The following DNAJC2 variants were observed in gnomAD, a reference collection of about 807,000 sequenced individuals.
The protein encoded by DNAJC2 is dnaJ homolog subfamily C member 2.
A neutral mutation model predicts 94.0 loss-of-function variants in DNAJC2; 32 were observed. That is an observed-to-expected ratio of 0.34 (90% CI 0.26 to 0.46). The LOEUF (loss-of-function observed/expected upper bound fraction) is 0.46. DNAJC2 is among the 20% of genes least tolerant of loss of function. The pLI is 1.00. For synonymous variants in DNAJC2, 210 were observed against 229.7 expected, an observed-to-expected ratio of 0.91 and a Z score of 0.77; for missense variants, 550 against 719.5, an observed-to-expected ratio of 0.76 and a Z score of 2.69.
At chr7:103,313,534 A>T (rs1817877530) in intron 15 of DNAJC2, 1 of 983,930 alleles carries the variant, frequency 1.0e-6, no homozygotes, top group Non-Finnish European at 1.2e-6. Context: ...TTTGCTGGAT[A>T]GAAACCCTGG....
intron 13 of DNAJC2, 64 bp downstream of exon 13, chr7:103,316,766 A>T: frequency 1.5e-6 from 2 of 1,317,380 alleles, no homozygotes; most frequent in African/African-American, 1.5e-5. Context: ...TGCTATTTGG[A>T]GTCTGTCTAC....
At chr7:103,312,808 C>T (rs965725759) in intron 16 of DNAJC2, 139 bp downstream of exon 16, 43 of 1,512,888 alleles carry the variant, frequency 2.8e-5, no homozygotes, top group Non-Finnish European at 3.6e-5. Flanking sequence ...CTCATTTCTT[C>T]CTCATAATAT....
At chr7:103,318,143 C>T (rs908247933) in intron 12 of DNAJC2, among the ~76,000 whole-genome samples, 1 of 151,970 alleles carries the variant, frequency 6.6e-6, no homozygotes, top group Non-Finnish European at 1.5e-5. Context: ...TTGTTTCCCA[C>T]TCCATTTCCC....
At position 103,315,804 on chromosome 7, in the gene DNAJC2, T is replaced by A. The variant is rs1219727874; in HGVS notation, c.1596A>T (p.Val532=). ...FDKFKKEHGV[V]PQADNATPSE... is the part of the protein sequence containing the mutation. ...AAGGCGTTGCGTTGTCTGCTTGAGGTACCACTCCATGTTCTTTTTTGAACT... is the reference window on the plus strand; with the variant it reads ...AAGGCGTTGCGTTGTCTGCTTGAGGAACCACTCCATGTTCTTTTTTGAACT... The change falls in exon 15 of 17, where the codon GTA becomes GTT. Residue 532 remains valine (V), a synonymous_variant. Transcript: ENST00000379263. 6.2e-7 allele frequency: 1 copy of A among 1,613,912 alleles called. No individual in the cohort carries two copies. Among genetic ancestry groups the A allele is most frequent in the Non-Finnish European group, 8.5e-7 (1 of 1,179,882 alleles).
chr7:103,325,272 C>T (rs1174448345), intron 5 of DNAJC2, among the ~76,000 whole-genome samples: 2 of 152,006 alleles, frequency 1.3e-5, no homozygotes, highest in African/African-American at 4.8e-5. Flanking sequence ...GGTGAAACCC[C>T]GTCTCTACTA....
chr7:103,336,872 C>T (rs577798802), intron 3 of DNAJC2: 8 of 152,222 alleles, frequency 5.3e-5, no homozygotes, highest in Admixed American at 2.0e-4. Flanking sequence ...GTAATGGGGA[C>T]GATTTTGAGT....
At chr7:103,328,044 T>C (rs10245155) in intron 3 of DNAJC2, among the ~76,000 whole-genome samples, 34,591 of 151,770 alleles carry the variant, frequency 0.23, 6,154 homozygotes, top group African/African-American at 0.5. Context: ...CCTCAGCCTC[T>C]GGAGTAACTG....
intron 3 of DNAJC2, among the ~76,000 whole-genome samples, chr7:103,333,168 T>G (rs190492596): frequency 1.9e-3 from 291 of 152,270 alleles, no homozygotes; most frequent in African/African-American, 6.7e-3. Flanking sequence ...CAACTTGTAT[T>G]TGTTTATTCT....
At chr7:103,331,875 G>A (rs1278326108) in intron 3 of DNAJC2, among the ~76,000 whole-genome samples, 1 of 152,212 alleles carries the variant, frequency 6.6e-6, no homozygotes, top group Non-Finnish European at 1.5e-5. Flanking sequence ...ATATCCAGTA[G>A]TGGGAACGCT....
chr7:103,316,950 G>C lies in DNAJC2; in HGVS notation c.1307C>G (p.Ala436Gly), dbSNP rs199881594. ...AGTTGATTTCTCTGTGTTCTTAGATGCTTGTCGCATACGAGCCTCAGCTTC... is the reference window on the plus strand; with the variant it reads ...AGTTGATTTCTCTGTGTTCTTAGATCCTTGTCGCATACGAGCCTCAGCTTC... Reference protein sequence around the residue: ...KEEAEARMRQASKNTEKSTGG... With the variant: ...KEEAEARMRQGSKNTEKSTGG... Residue 436 changes from alanine (A) to glycine (G), a missense_variant, in exon 13 of 17, where the codon GCA (alanine) becomes GGA (glycine). By Grantham distance (60) the Ala-to-Gly change is moderately conservative. This residue lies in a region of DNAJC2 where 271 missense variants were observed against 302.6 expected (regional missense o/e 0.90). Coordinates refer to ENST00000379263, the MANE Select transcript of DNAJC2 (RefSeq NM_014377.3). 1.6e-4 allele frequency: 251 copies of C among 1,613,814 alleles called. No individual in the cohort carries two copies. The highest frequency in any genetic ancestry group is 2.0e-4 in the Non-Finnish European group (241 of 1,179,988).
intron 3 of DNAJC2, among the ~76,000 whole-genome samples, chr7:103,332,451 C>T (rs1819015528): frequency 1.3e-5 from 2 of 152,070 alleles, no homozygotes; most frequent in Non-Finnish European, 2.9e-5. Context: ...ATGAATTATT[C>T]CAAAACAGTT....
At chr7:103,336,906 C>CT (rs1168262171) in intron 3 of DNAJC2, 1 of 152,130 alleles carries the variant, frequency 6.6e-6, no homozygotes, top group Non-Finnish European at 1.5e-5. Context: ...TAAGTATTGA[C>CT]TAATAATTTT....
intron 15 of DNAJC2, chr7:103,314,796 T>C (rs1213511400): frequency 4.1e-6 from 1 of 243,598 alleles, no homozygotes; most frequent in Non-Finnish European, 6.6e-6. Flanking sequence ...GATTAAAGAA[T>C]ATAGGTAAAA....
chr7:103,317,210 C>A, intron 12 of DNAJC2, 196 bp from the exon 13 acceptor site: 1 of 541,780 alleles, frequency 1.8e-6, no homozygotes. Flanking sequence ...GCCTGAGGGA[C>A]CAAGAACTGC....
At chr7:103,331,209 C>T (rs1374937622) in intron 3 of DNAJC2, among the ~76,000 whole-genome samples, 1 of 152,146 alleles carries the variant, frequency 6.6e-6, no homozygotes, top group Non-Finnish European at 1.5e-5. Flanking sequence ...CCGCCTGCCT[C>T]GGCCTCCCAA....
intron 12 of DNAJC2, 147 bp downstream of exon 12, chr7:103,319,462 A>C (rs1176297195): frequency 3.5e-6 from 3 of 850,764 alleles, no homozygotes; most frequent in Non-Finnish European, 5.5e-6. Context: ...AAAACCGAAC[A>C]CATAAAACAA....
chr7:103,338,164 G>T (rs1314715272), intron 2 of DNAJC2, among the ~76,000 whole-genome samples: 1 of 152,044 alleles, frequency 6.6e-6, no homozygotes, highest in African/African-American at 2.4e-5. Flanking sequence ...CAGCTACTCA[G>T]GAGGCAGAAG....
At chr7:103,334,246 C>A (rs143533954) in intron 3 of DNAJC2, among the ~76,000 whole-genome samples, 1 of 151,176 alleles carries the variant, frequency 6.6e-6, no homozygotes, top group Non-Finnish European at 1.5e-5. Context: ...CCACTGTGCC[C>A]GGCCTGTTGT....
At chr7:103,318,538 T>A (rs576426785) in intron 12 of DNAJC2, among the ~76,000 whole-genome samples, 3 of 152,306 alleles carry the variant, frequency 2.0e-5, no homozygotes, top group Non-Finnish European at 2.9e-5. Flanking sequence ...TACTATGGGC[T>A]CTCCATCTTT....
Sources: allele counts gnomAD v4.1 joint callset (sites outside exome capture counted in the v4.1 genomes callset), GRCh38; gene constraint gnomAD v4.1.1; regional missense constraint gnomAD v4.1.1; transcripts MANE v1.5; gene names NCBI Gene and HGNC (gene_info 2026-07-23, HGNC 2026-07-21).